The following KIAA0825 variants were observed in gnomAD, a reference collection of about 807,000 sequenced individuals.
KIAA0825 encodes uncharacterized protein KIAA0825.
KIAA0825 carries 119 observed loss-of-function variants against 147.6 expected under a neutral mutation model. The ratio of observed to expected loss-of-function variants is 0.81; its 90% CI spans 0.69 to 0.94. The LOEUF is 0.94. Among genes scored for constraint, KIAA0825 ranks in the 40% least tolerant of loss-of-function variants. The probability of loss-of-function intolerance (pLI) is 0.00; values close to 1 mark genes in which losing one functional copy is unlikely to be tolerated. For missense variants in KIAA0825, 1,381 were observed against 1,472.7 expected, an observed-to-expected ratio of 0.94 and a Z score of 1.02; for synonymous variants, 470 against 518.1, an observed-to-expected ratio of 0.91 and a Z score of 1.26.
At chr5:94,310,656 A>G (rs1779080334) in intron 20 of KIAA0825, among the ~76,000 whole-genome samples, 2 of 151,702 alleles carry the variant, frequency 1.3e-5, no homozygotes, top group Admixed American at 6.6e-5. Flanking sequence ...ACAACAAGTC[A>G]TAAGTATCAA....
At chr5:94,259,791 A>G (rs1158952112) in intron 20 of KIAA0825, among the ~76,000 whole-genome samples, 1 of 151,936 alleles carries the variant, frequency 6.6e-6, no homozygotes, top group Admixed American at 6.6e-5. Context: ...TATTATCTTT[A>G]AAAATCTATC....
At chr5:94,515,121 A>T (rs1469401503) in intron 5 of KIAA0825, among the ~76,000 whole-genome samples, 1 of 152,228 alleles carries the variant, frequency 6.6e-6, no homozygotes, top group South Asian at 2.1e-4. Flanking sequence ...ATTAAAATAC[A>T]GAGGATTTAT....
intron 15 of KIAA0825, among the ~76,000 whole-genome samples, chr5:94,406,280 C>G (rs1752053502): frequency 1.3e-5 from 2 of 152,130 alleles, no homozygotes; most frequent in African/African-American, 4.8e-5. Context: ...TTAACCTGCC[C>G]TATTCTTATC....
In KIAA0825 at chr5:94,520,608, G is replaced by A; in HGVS notation, c.610C>T (p.Pro204Ser). ...TATTTGATTATAACTTCTGATTCTGGATAAAGAAACAAGAGTTGTTGTAAG... is the reference window on the plus strand; with the variant it reads ...TATTTGATTATAACTTCTGATTCTGAATAAAGAAACAAGAGTTGTTGTAAG... ...QCLQQLLFLYPESEVIIKYQN... is the reference protein window; with the variant it reads ...QCLQQLLFLYSESEVIIKYQN... Residue 204 changes from proline to serine, a missense_variant, in exon 5 of 21, where the codon CCA becomes TCA. Pro to Ser is a moderately conservative substitution (Grantham distance 74, BLOSUM62 -1). Coordinates refer to ENST00000682413, the MANE Select transcript of KIAA0825 (RefSeq NM_001145678.3). 1 of 1,613,248 alleles carries A rather than the reference G, an allele frequency of 6.2e-7. No individual in the cohort carries two copies. Among genetic ancestry groups the A allele is most frequent in the Non-Finnish European group, 8.5e-7 (1 of 1,179,502 alleles).
intron 20 of KIAA0825, among the ~76,000 whole-genome samples, chr5:94,364,281 G>C (rs539883938): frequency 6.6e-6 from 1 of 151,900 alleles, no homozygotes; most frequent in East Asian, 1.9e-4. Context: ...GGCAGAGTAG[G>C]GGGTGATGAC....
intron 2 of KIAA0825, among the ~76,000 whole-genome samples, chr5:94,543,661 G>T (rs546694011): frequency 6.6e-6 from 1 of 152,210 alleles, no homozygotes; most frequent in East Asian, 1.9e-4. Context: ...ATGGAAGATG[G>T]ATCTTCCTCC....
chr5:94,579,458 A>G (rs1781679121), intron 2 of KIAA0825, among the ~76,000 whole-genome samples: 1 of 152,260 alleles, frequency 6.6e-6, no homozygotes, highest in African/African-American at 2.4e-5. Flanking sequence ...CCCATTAGAA[A>G]GCCATTTATA....
chr5:94,596,302 C>T (rs1785302564), intron 1 of KIAA0825, among the ~76,000 whole-genome samples: 1 of 152,158 alleles, frequency 6.6e-6, no homozygotes, highest in African/African-American at 2.4e-5. Flanking sequence ...CTGCATATGG[C>T]TAGCCAGTTA....
intron 2 of KIAA0825, among the ~76,000 whole-genome samples, chr5:94,562,740 G>A (rs1257204855): frequency 6.6e-6 from 1 of 152,162 alleles, no homozygotes; most frequent in South Asian, 2.1e-4. Flanking sequence ...TTGACTCACA[G>A]GATTATCAGA....
chr5:94,297,309 A>G (rs1193189226), intron 20 of KIAA0825, among the ~76,000 whole-genome samples: 1 of 152,226 alleles, frequency 6.6e-6, no homozygotes, highest in Non-Finnish European at 1.5e-5. Flanking sequence ...ATGATAGCAC[A>G]GTGAGATAAA....
intron 20 of KIAA0825, among the ~76,000 whole-genome samples, chr5:94,199,694 CA>C (rs1156405559): frequency 2.6e-5 from 4 of 152,168 alleles, no homozygotes; most frequent in African/African-American, 9.7e-5. Context: ...TGGCAGCACT[CA>C]TGTGCTGGTG....
At chr5:94,163,488 C>T (rs903115618) in intron 20 of KIAA0825, among the ~76,000 whole-genome samples, 10 of 152,114 alleles carry the variant, frequency 6.6e-5, no homozygotes, top group Non-Finnish European at 1.3e-4. Flanking sequence ...CTTCTTCTAT[C>T]AGTTTAGGAG....
intron 20 of KIAA0825, among the ~76,000 whole-genome samples, chr5:94,163,360 A>C (rs1767746018): frequency 6.6e-6 from 1 of 152,132 alleles, no homozygotes; most frequent in African/African-American, 2.4e-5. Flanking sequence ...TGTTTAATTT[A>C]ATTTGATTGA....
At chr5:94,187,724 C>G (rs934505333) in intron 20 of KIAA0825, among the ~76,000 whole-genome samples, 13 of 152,062 alleles carry the variant, frequency 8.5e-5, no homozygotes, top group Admixed American at 3.9e-4. Context: ...CGCGCCAGAC[C>G]GGGAGTTATT....
At chr5:94,180,708 A>G (rs1000932763) in intron 20 of KIAA0825, among the ~76,000 whole-genome samples, 2 of 152,030 alleles carry the variant, frequency 1.3e-5, no homozygotes, top group African/African-American at 4.8e-5. Context: ...AACCTGCTTT[A>G]TTTTTTATCT....
At chr5:94,174,573 T>G (rs1768911752) in intron 20 of KIAA0825, among the ~76,000 whole-genome samples, 1 of 152,274 alleles carries the variant, frequency 6.6e-6, no homozygotes, top group African/African-American at 2.4e-5. Context: ...ATATGGAACT[T>G]GTTTGAGTAC....
intron 20 of KIAA0825, among the ~76,000 whole-genome samples, chr5:94,302,207 G>T (rs375664192): frequency 2.0e-5 from 3 of 151,968 alleles, no homozygotes; most frequent in East Asian, 3.9e-4. Context: ...AAATAGGCCC[G>T]TTCAGCCCCA....
chr5:94,225,855 A>G (rs980580602), intron 20 of KIAA0825, among the ~76,000 whole-genome samples: 8 of 152,226 alleles, frequency 5.3e-5, no homozygotes, highest in African/African-American at 1.9e-4. Flanking sequence ...CCTTATACAA[A>G]ACTTAACTCA....
At chr5:94,588,836 C>A (rs1158865626) in intron 1 of KIAA0825, among the ~76,000 whole-genome samples, 3 of 152,022 alleles carry the variant, frequency 2.0e-5, no homozygotes, top group South Asian at 2.1e-4. Context: ...GGCACATATA[C>A]AACCATAAAA....
Sources: gnomAD v4.1 joint callset for allele counts (sites outside exome capture counted in the v4.1 genomes callset) on GRCh38, gnomAD v4.1.1 for gene constraint, MANE v1.5 for transcripts, NCBI Gene and HGNC (gene_info 2026-07-23, HGNC 2026-07-21) for gene names.